The following SEC13 variants were observed in gnomAD, a reference collection of about 807,000 sequenced individuals.
SEC13 encodes the protein SEC13 homolog, nuclear pore and COPII component, also known as protein SEC13 homolog.
SEC13 carries 25 observed loss-of-function variants against 49.2 expected under a neutral mutation model. The observed-to-expected ratio is 0.51, with a 90% CI of 0.37 to 0.71. SEC13 has a LOEUF of 0.71. SEC13 is among the 30% of genes least tolerant of loss of function. SEC13 has a pLI of 0.00. For synonymous variants in SEC13, 148 were observed against 163.9 expected, an observed-to-expected ratio of 0.90 and a Z score of 0.74; for missense variants, 383 against 417.6, an observed-to-expected ratio of 0.92 and a Z score of 0.72.
chr3:10,317,757 C>T (rs2125285646), intron 2 of SEC13, among the ~76,000 whole-genome samples: 1 of 152,304 alleles, frequency 6.6e-6, no homozygotes, highest in Admixed American at 6.5e-5. Flanking sequence ...ACTCAGCCTT[C>T]ATCCGAGAGC....
rs1701319628 is a variant in SEC13 at position 10,312,247 on chromosome 3, C to CA, written c.317-150dup. Reference sequence around the variant, plus strand: ...GCTGTAACTTGGTCAACTGAGGACACAAAAAAACCCCATCACCTACTAATA... The same window carrying CA: ...GCTGTAACTTGGTCAACTGAGGACACAAAAAAAACCCCATCACCTACTAATA... On this transcript the variant is annotated intron_variant, in intron 4 of 8. Coordinates refer to ENST00000350697, the MANE Select transcript of SEC13 (RefSeq NM_183352.3). 6 of 1,341,554 alleles carry CA rather than the reference C, an allele frequency of 4.5e-6. No homozygotes were observed. The South Asian group carries it at 6.2e-5, about 14-fold the overall frequency. 83.1% of individuals were successfully genotyped at this position (1,341,554 alleles called of 1,614,324 possible).
chr3:10,301,100 A>C lies in SEC13; in HGVS notation c.*161T>G. ...GACAGTAGATTACAAAGCATCTCCG[A>C]TCACGTTAAGGCAGATGATCAATCT... On this transcript the variant is annotated 3_prime_UTR_variant, in exon 9 of 9. Transcript: ENST00000350697. 6.2e-7 allele frequency: 1 copy of C among 1,613,194 alleles called. No homozygotes were observed. The highest frequency in any genetic ancestry group is 8.5e-7 in the Non-Finnish European group (1 of 1,179,864).
Position 10,305,604 on chromosome 3 carries a change from T to C in SEC13, c.539A>G (p.Lys180Arg), listed in dbSNP as rs377741979. ...HPSGQKPNYIKRFASGGCDNL... is the reference protein window; with the variant it reads ...HPSGQKPNYIRRFASGGCDNL... ...GTCACAGCCACCTGATGCAAACCTC[T>C]TGATGTAATTGGGTTTCTGCCCCGA... is the stretch of plus-strand genomic sequence containing the variant. Residue 180 changes from lysine (K) to arginine (R), a missense_variant, in exon 6 of 9, where the codon AAG (lysine) becomes AGG (arginine). By Grantham distance (26) the Lys-to-Arg change is conservative (BLOSUM62 2). Coordinates refer to ENST00000350697, the MANE Select transcript of SEC13 (RefSeq NM_183352.3). 1.9e-6 allele frequency: 3 copies of C among 1,614,052 alleles called. No homozygotes were observed. The African/African-American group carries it at 4.0e-5, about 22-fold the overall frequency.
chr3:10,303,278 T>G (rs1700655675), intron 8 of SEC13, among the ~76,000 whole-genome samples: 1 of 152,142 alleles, frequency 6.6e-6, no homozygotes. Context: ...GCAGAGCAGA[T>G]GTGCCTGAAA....
Position 10,301,092 on chromosome 3 carries a change from C to A in SEC13, c.*169G>T, listed in dbSNP as rs1700469920. On this transcript the variant is annotated 3_prime_UTR_variant, in exon 9 of 9. Transcript: ENST00000350697. ...TTCAGCTGGACAGTAGATTACAAAG[C>A]ATCTCCGATCACGTTAAGGCAGATG... is the stretch of plus-strand genomic sequence containing the variant. The A allele has an allele frequency of 1.2e-6, 2 of 1,612,476 alleles. No individual in the cohort carries two copies. The highest frequency in any genetic ancestry group is 1.3e-5 in the African/African-American group (1 of 74,914).
rs763646886 is a variant in SEC13 at position 10,301,079 on chromosome 3, G to GTAGAT, written c.*177_*181dup. The GTAGAT allele has an allele frequency of 1.9e-6, 3 of 1,611,732 alleles. No homozygotes were observed. The highest frequency in any genetic ancestry group is 1.7e-5 in the Admixed American group (1 of 59,990). Reference sequence around the variant, plus strand: ...TAACATGAGTGCTTTCAGCTGGACAGTAGATTACAAAGCATCTCCGATCAC... The same window carrying GTAGAT: ...TAACATGAGTGCTTTCAGCTGGACAGTAGATTAGATTACAAAGCATCTCCGATCAC... On this transcript the variant is annotated 3_prime_UTR_variant, in exon 9 of 9. Transcript: ENST00000350697.
chr3:10,305,310 T>C (rs1700803475), intron 6 of SEC13, 154 bp from the exon 7 acceptor site: 10 of 1,160,796 alleles, frequency 8.6e-6, no homozygotes, highest in Non-Finnish European at 1.1e-5. Flanking sequence ...TCACCCCAGC[T>C]GTAAAAAAAA....
chr3:10,308,242 C>T (rs769627650), intron 5 of SEC13, among the ~76,000 whole-genome samples: 15 of 152,306 alleles, frequency 9.8e-5, no homozygotes, highest in Non-Finnish European at 1.9e-4. Context: ...ATCTCCCCAT[C>T]CTGCAGCCCC....
At chr3:10,311,601 T>C in intron 5 of SEC13, 1 of 1,027,470 alleles carries the variant, frequency 9.7e-7, no homozygotes, top group Non-Finnish European at 1.2e-6. Flanking sequence ...CTTAAATGTA[T>C]GCATAGCTCA....
At chr3:10,305,870 T>C (rs943283307) in intron 5 of SEC13, 178 bp from the exon 6 acceptor site, 8 of 570,658 alleles carry the variant, frequency 1.4e-5, no homozygotes, top group Non-Finnish European at 2.4e-5. Context: ...CCCAACAGTG[T>C]GTGCATTTTT....
chr3:10,318,995 G>A, intron 1 of SEC13: 1 of 739,898 alleles, frequency 1.4e-6, no homozygotes, highest in Non-Finnish European at 2.2e-6. Context: ...CAAATAGAAG[G>A]AACTCAGCGA....
At chr3:10,302,743 A>G (rs9837777) in intron 8 of SEC13, among the ~76,000 whole-genome samples, 5,886 of 152,288 alleles carry the variant, frequency 0.039, 399 homozygotes, top group African/African-American at 0.13. Flanking sequence ...CCATGTTCAC[A>G]GCCACACTAT....
chr3:10,317,511 T>C (rs139172034), intron 2 of SEC13, among the ~76,000 whole-genome samples: 1 of 152,090 alleles, frequency 6.6e-6, no homozygotes. Context: ...CTGAGCCTTG[T>C]GTTTACCTCT....
At chr3:10,316,955 C>T (rs1701643301) in intron 2 of SEC13, among the ~76,000 whole-genome samples, 1 of 145,426 alleles carries the variant, frequency 6.9e-6, no homozygotes, top group African/African-American at 2.6e-5. Flanking sequence ...GAGCTGAGAT[C>T]ACGCCACTGC....
Position 10,305,695 on chromosome 3 carries a change from G to T in SEC13, c.451-3C>A. The T allele has an allele frequency of 6.2e-7, 1 of 1,614,196 alleles. No individual in the cohort carries two copies. The highest frequency in any genetic ancestry group is 8.5e-7 in the Non-Finnish European group (1 of 1,180,016). ...CAGCTGACGGCATTGCAGCCAATCT[G>T]TAAAGATGGGACACATGGTGACTCT... On this transcript the variant is annotated splice_polypyrimidine_tract_variant and splice_region_variant and intron_variant, in intron 5 of 8. Coordinates refer to ENST00000350697, the MANE Select transcript of SEC13 (RefSeq NM_183352.3).
chr3:10,319,890 AG>A (rs1342618533), intron 1 of SEC13, among the ~76,000 whole-genome samples: 6 of 66,470 alleles, frequency 9.0e-5, no homozygotes, highest in African/African-American at 1.9e-4. Flanking sequence ...AGGGAGAGGA[AG>A]GGGGGAGGAA....
chr3:10,301,143 T>C lies in SEC13; in HGVS notation c.*118A>G. On this transcript the variant is annotated 3_prime_UTR_variant, in exon 9 of 9. Transcript: ENST00000350697. ...ATCAATCTGTGGCTGCATCTGTAAC[T>C]CCTCCTGGGAAAATAATCCTGTTGG... 3.1e-6 allele frequency: 5 copies of C among 1,613,884 alleles called. No individual in the cohort carries two copies. Among genetic ancestry groups the C allele is most frequent in the Non-Finnish European group, 4.2e-6 (5 of 1,179,872 alleles).
chr3:10,320,965 T>C, intron 1 of SEC13, 85 bp downstream of exon 1: 1 of 1,588,928 alleles, frequency 6.3e-7, no homozygotes, highest in Non-Finnish European at 8.5e-7. Context: ...CAGCTTGGGA[T>C]TTGGGACTCA....
rs562134577 is a variant in SEC13, at chr3:10,310,987, C to A, written c.450+978G>T. Among the ~76,000 whole-genome samples, 53 of 149,568 alleles carry A rather than the reference C, an allele frequency of 3.5e-4. 1 individual carries two copies. The highest frequency in any genetic ancestry group is 1.3e-3 in the African/African-American group (52 of 40,898). ...ACCACAGATTGTCTCATTCTATGTA[C>A]AACTGATCCTCAATTTCATTTCATT... On this transcript the variant is annotated intron_variant, in intron 5 of 8. Transcript: ENST00000350697.
Sources: gnomAD v4.1 joint callset for allele counts (sites outside exome capture counted in the v4.1 genomes callset) on GRCh38, gnomAD v4.1.1 for gene constraint, MANE v1.5 for transcripts, NCBI Gene and HGNC (gene_info 2026-07-23, HGNC 2026-07-21) for gene names.